The following CPSF3 variants were observed in gnomAD, a reference collection of about 807,000 sequenced individuals.
The protein encoded by CPSF3 is cleavage and polyadenylation specificity factor subunit 3.
Under a neutral mutation model 84.1 loss-of-function variants are expected in CPSF3, and 57 were observed. The ratio of observed to expected loss-of-function variants is 0.68; its 90% CI spans 0.55 to 0.85. The LOEUF (loss-of-function observed/expected upper bound fraction) is 0.85. Among genes scored for constraint, CPSF3 ranks in the 40% least tolerant of loss-of-function variants. The pLI is 0.00. For synonymous variants in CPSF3, 275 were observed against 278.1 expected, an observed-to-expected ratio of 0.99 and a Z score of 0.11; for missense variants, 522 against 838.8, an observed-to-expected ratio of 0.62 and a Z score of 4.66.
chr2:9,430,134 A>G (rs1680530069), intron 3 of CPSF3, 114 bp downstream of exon 3: 1 of 631,888 alleles, frequency 1.6e-6, no homozygotes, highest in Non-Finnish European at 2.7e-6. Flanking sequence ...GCTAGGAAGC[A>G]TATTGCAGAC....
intron 8 of CPSF3, among the ~76,000 whole-genome samples, chr2:9,441,362 T>C (rs564325606): frequency 6.6e-6 from 1 of 152,374 alleles, no homozygotes; most frequent in Non-Finnish European, 1.5e-5. Flanking sequence ...TTAAGGATTG[T>C]AGACAAGTTC....
chr2:9,440,594 C>T lies in CPSF3; in HGVS notation c.864C>T (p.Ala288=), dbSNP rs1375233625. 1.9e-6 allele frequency: 3 copies of T among 1,614,126 alleles called. No individual in the cohort carries two copies. Among genetic ancestry groups the T allele is most frequent in the Non-Finnish European group, 2.5e-6 (3 of 1,180,018 alleles). Residue 288 remains alanine (A), a synonymous_variant, in exon 8 of 18, where the codon GCC becomes GCT. Transcript: ENST00000238112. ...CMAVYQTYVN[A]MNDKIRKQIN... ...CAGTGTACCAGACATATGTAAATGC[C>T]ATGAATGACAAAATCCGCAAACAGA...
At chr2:9,447,084 T>A (rs546355731) in intron 10 of CPSF3, among the ~76,000 whole-genome samples, 12 of 151,928 alleles carry the variant, frequency 7.9e-5, no homozygotes, top group Non-Finnish European at 1.3e-4. Flanking sequence ...GAGGCCACGG[T>A]GAGCCAAGAT....
intron 17 of CPSF3, among the ~76,000 whole-genome samples, chr2:9,472,046 G>A (rs1477454364): frequency 6.7e-6 from 1 of 149,388 alleles, no homozygotes; most frequent in Non-Finnish European, 1.5e-5. Flanking sequence ...AGGCGTGGTG[G>A]TTCACGCCTG....
chr2:9,451,754 G>T (rs1319444901), intron 11 of CPSF3, among the ~76,000 whole-genome samples: 2 of 135,178 alleles, frequency 1.5e-5, no homozygotes, highest in Non-Finnish European at 3.1e-5. Context: ...GTCTCGCTCT[G>T]TCTCCAGGCT....
intron 6 of CPSF3, among the ~76,000 whole-genome samples, 193 bp downstream of exon 6, chr2:9,434,153 G>A: frequency 6.6e-6 from 1 of 151,982 alleles, no homozygotes; most frequent in East Asian, 1.9e-4. Flanking sequence ...GGCTGAGGTG[G>A]GCAGATCACT....
chr2:9,470,443 C>T (rs1682126171), intron 16 of CPSF3, among the ~76,000 whole-genome samples: 1 of 152,184 alleles, frequency 6.6e-6, no homozygotes, highest in Non-Finnish European at 1.5e-5. Context: ...TACCTGCATT[C>T]AGCCTGCTGG....
intron 15 of CPSF3, among the ~76,000 whole-genome samples, chr2:9,461,167 G>C (rs1429807708): frequency 1.3e-5 from 2 of 152,104 alleles, no homozygotes; most frequent in African/African-American, 4.8e-5. Context: ...GACATCATTT[G>C]ATAACTTGTT....
At chr2:9,463,656 G>A (rs73158019) in intron 15 of CPSF3, among the ~76,000 whole-genome samples, 244 of 152,314 alleles carry the variant, frequency 1.6e-3, no homozygotes, top group African/African-American at 5.6e-3. Flanking sequence ...TGCTGCTCAT[G>A]AGGAAGTTGA....
rs1208421734 is a variant in CPSF3 at position 9,467,924 on chromosome 2, G to A, written c.1856+148G>A. On this transcript the variant is annotated intron_variant, in intron 16 of 17. Coordinates refer to ENST00000238112, the MANE Select transcript of CPSF3 (RefSeq NM_016207.4). ...AGGCCTGCTTCTCTGTTAGGAAAGA[G>A]AGGGGCTGGAACCGTTCCCTGCCAG... 3 of 629,892 alleles carry A rather than the reference G, an allele frequency of 4.8e-6. No individual in the cohort carries two copies. The East Asian group carries it at 8.3e-5, about 17-fold the overall frequency. 39.0% of individuals were successfully genotyped at this position (629,892 alleles called of 1,614,324 possible).
At chr2:9,450,147 A>ATTTTTTTTTTTTTTTTTTTT (rs750560891) in intron 11 of CPSF3, among the ~76,000 whole-genome samples, 1 of 122,688 alleles carries the variant, frequency 8.2e-6, no homozygotes, top group African/African-American at 3.0e-5. Context: ...ACAGGCACAA[A>ATTTTTTTTTTTTTTTTTTTT]TTTTTTTTTT....
chr2:9,470,190 C>A (rs544797944), intron 16 of CPSF3, among the ~76,000 whole-genome samples: 35 of 152,296 alleles, frequency 2.3e-4, no homozygotes, highest in South Asian at 1.9e-3. Context: ...ACACTGCACT[C>A]CAGCCTGGGC....
intron 10 of CPSF3, 110 bp downstream of exon 10, chr2:9,443,771 C>T (rs1681033918): frequency 8.6e-7 from 1 of 1,166,634 alleles, no homozygotes; most frequent in Non-Finnish European, 1.2e-6. Flanking sequence ...TAATGCGACA[C>T]CCCCTGAGCA....
rs576608040 is a variant in CPSF3 at position 9,448,700 on chromosome 2, G to A, written c.1395+350G>A. Among the ~76,000 whole-genome samples, 107 of 152,256 alleles carry A rather than the reference G, an allele frequency of 7.0e-4. 2 individuals are homozygous for A. In the South Asian group the frequency reaches 0.018, roughly 26 times the overall value. ...GCCTCCTGAGTAGCTGGGATTACAGGTGCGCGCCACCACGCCCAGCTAATG... is the reference window on the plus strand; with the variant it reads ...GCCTCCTGAGTAGCTGGGATTACAGATGCGCGCCACCACGCCCAGCTAATG... On this transcript the variant is annotated intron_variant, in intron 11 of 17. Transcript: ENST00000238112.
chr2:9,457,609 C>G (rs1355393669), intron 14 of CPSF3, among the ~76,000 whole-genome samples: 1 of 152,042 alleles, frequency 6.6e-6, no homozygotes, highest in Non-Finnish European at 1.5e-5. Context: ...AGATTGGCAC[C>G]TATTAAGTTT....
chr2:9,470,698 G>A (rs1287637975), intron 16 of CPSF3, among the ~76,000 whole-genome samples: 1 of 152,220 alleles, frequency 6.6e-6, no homozygotes, highest in African/African-American at 2.4e-5. Flanking sequence ...TGCCGGCTCA[G>A]CTGTTTACTA....
Position 9,471,354 on chromosome 2 carries a change from G to A in CPSF3, c.1868G>A (p.Gly623Glu), listed in dbSNP as rs1375159259. The change falls in exon 17 of 18, where the codon GGA (glycine) becomes GAA (glutamate). Residue 623 changes from glycine to glutamate, a missense_variant. Physicochemically the swap from Gly to Glu is moderately conservative, Grantham distance 98 (BLOSUM62 -2). Transcript: ENST00000238112. ...RLEIMLQDIF[G>E]EDCVSVKDDS... ...CTGCTTATTTTCAGGGACATATTTGGAGAAGACTGTGTAAGTGTAAAGGAT... is the reference window on the plus strand; with the variant it reads ...CTGCTTATTTTCAGGGACATATTTGAAGAAGACTGTGTAAGTGTAAAGGAT... 6.2e-7 allele frequency: 1 copy of A among 1,606,180 alleles called. No individual in the cohort carries two copies. Among genetic ancestry groups the A allele is most frequent in the Non-Finnish European group, 8.5e-7 (1 of 1,173,074 alleles).
In CPSF3 at chr2:9,472,999, C is replaced by G; in HGVS notation, c.2037C>G (p.Ala679=). The change falls in exon 18 of 18, where the codon GCC becomes GCG. Residue 679 remains alanine, a synonymous_variant. Coordinates refer to ENST00000238112, the MANE Select transcript of CPSF3 (RefSeq NM_016207.4). ...TGGCTGCACAGAGACTGTACGAGGC[C>G]CTGACGCCAGTTCACTGAGACTGTG... ...VELAAQRLYE[A]LTPVH is the part of the protein sequence containing the mutation. 6.2e-7 allele frequency: 1 copy of G among 1,612,932 alleles called. No homozygotes were observed.
Position 9,432,636 on chromosome 2 carries a change from C to T in CPSF3, c.467C>T (p.Ala156Val). Residue 156 changes from alanine (A) to valine (V), a missense_variant, in exon 5 of 18, where the codon GCA becomes GTA. By Grantham distance (64) the Ala-to-Val change is moderately conservative (BLOSUM62 0). Transcript: ENST00000238112. Reference sequence around the variant, plus strand: ...GGAATCAAGTTTTGGTGTTACCATGCAGGTCACGTCCTAGGAGCCGCCATG... The same window carrying T: ...GGAATCAAGTTTTGGTGTTACCATGTAGGTCACGTCCTAGGAGCCGCCATG... The part of the protein sequence containing the change: ...VAGIKFWCYH[A>V]GHVLGAAMFM... The T allele has an allele frequency of 6.3e-7, 1 of 1,576,000 alleles. No homozygotes were observed. Among genetic ancestry groups the T allele is most frequent in the Non-Finnish European group, 8.7e-7 (1 of 1,151,298 alleles).
Sources: gnomAD v4.1 joint callset for allele counts (sites outside exome capture counted in the v4.1 genomes callset) on GRCh38, gnomAD v4.1.1 for gene constraint, MANE v1.5 for transcripts, NCBI Gene and HGNC (gene_info 2026-07-23, HGNC 2026-07-21) for gene names.